EDAR: variants seen among roughly 807,000 people sequenced by gnomAD.
EDAR encodes the protein tumor necrosis factor receptor superfamily member EDAR.
EDAR carries 38 observed loss-of-function variants against 51.3 expected under a neutral mutation model. That is an observed-to-expected ratio of 0.74 (90% CI 0.57 to 0.97). The LOEUF is 0.97. EDAR is among the 50% of genes least tolerant of loss of function. The probability of loss-of-function intolerance (pLI) is 0.00; values close to 1 mark genes in which losing one functional copy is unlikely to be tolerated. For missense variants in EDAR, 528 were observed against 595.0 expected (o/e 0.89, Z 1.17); for synonymous variants, 227 against 242.1 (o/e 0.94, Z 0.58).
chr2:108,932,195 G>A (rs1697376955), intron 1 of EDAR, among the ~76,000 whole-genome samples: 1 of 152,032 alleles, frequency 6.6e-6, no homozygotes, highest in African/African-American at 2.4e-5. Flanking sequence ...ACAGCCTAAA[G>A]GCATTAGGTA....
chr2:108,930,041 G>A, intron 3 of EDAR, 79 bp downstream of exon 3: 1 of 1,514,166 alleles, frequency 6.6e-7, no homozygotes, highest in Middle Eastern at 2.0e-4. Context: ...ACACAGCAAG[G>A]CAGGCTCAGG....
In EDAR at chr2:108,897,189, C is replaced by T; in HGVS notation, c.1065G>A (p.Lys355=). ...PTELPFDCLE[K]TSRMLSSTYN... ...ACGTGGAGCTGAGCATTCGGCTAGT[C>T]TTCTCGAGGCAATCAAATGGCAGCT... Residue 355 remains lysine, a synonymous_variant, in exon 12 of 12, where the codon AAG becomes AAA. Transcript: ENST00000258443. The T allele has an allele frequency of 1.2e-6, 2 of 1,613,796 alleles. No individual in the cohort carries two copies. Among genetic ancestry groups the T allele is most frequent in the Non-Finnish European group, 1.7e-6 (2 of 1,180,036 alleles).
chr2:108,913,150 C>T (rs549948459), intron 5 of EDAR, among the ~76,000 whole-genome samples: 2 of 152,180 alleles, frequency 1.3e-5, no homozygotes, highest in South Asian at 2.1e-4. Context: ...GGGGTTTCAC[C>T]ATGTTAGCCA....
intron 5 of EDAR, among the ~76,000 whole-genome samples, chr2:108,915,846 G>A (rs1219667035): frequency 2.6e-5 from 4 of 151,806 alleles, no homozygotes; most frequent in Non-Finnish European, 5.9e-5. Flanking sequence ...GCAGTGAGTC[G>A]AGACCACGCC....
rs542245249 is a variant in EDAR at position 108,915,714 on chromosome 2, T to C, written c.443-2950A>G. 1.8e-4 allele frequency among the ~76,000 whole-genome samples: 28 copies of C among 152,088 alleles called. No individual in the cohort carries two copies. The South Asian group carries it at 5.8e-3, about 32-fold the overall frequency. Reference sequence around the variant, plus strand: ...GAGTTTGAGACCACCCTGGCCAACATGGTGAAACCCCAACTCTACTAAAAG... The same window carrying C: ...GAGTTTGAGACCACCCTGGCCAACACGGTGAAACCCCAACTCTACTAAAAG... On this transcript the variant is annotated intron_variant, in intron 5 of 11. Coordinates refer to ENST00000258443, the MANE Select transcript of EDAR (RefSeq NM_022336.4).
intron 3 of EDAR, among the ~76,000 whole-genome samples, chr2:108,929,882 T>C (rs1697331716): frequency 6.6e-6 from 1 of 152,190 alleles, no homozygotes; most frequent in African/African-American, 2.4e-5. Context: ...GGGAAAGTGA[T>C]CCTTTAAAAA....
intron 5 of EDAR, among the ~76,000 whole-genome samples, chr2:108,920,550 C>T (rs1014928876): frequency 1.3e-5 from 2 of 152,108 alleles, no homozygotes; most frequent in Non-Finnish European, 2.9e-5. Context: ...CTACAGGGCT[C>T]CACAGTATTG....
At chr2:108,986,409 A>T (rs1445023526) in intron 1 of EDAR, among the ~76,000 whole-genome samples, 4 of 151,976 alleles carry the variant, frequency 2.6e-5, no homozygotes, top group East Asian at 1.9e-4. Context: ...CTCCACTCTT[A>T]TTTTTATAAT....
chr2:108,929,375 C>T lies in EDAR; in HGVS notation c.179G>A (p.Cys60Tyr). 1 of 1,614,066 alleles carries T rather than the reference C, an allele frequency of 6.2e-7. No homozygotes were observed. Among genetic ancestry groups the T allele is most frequent in the Non-Finnish European group, 8.5e-7 (1 of 1,180,008 alleles). The change falls in exon 4 of 12, where the codon TGT becomes TAT. Residue 60 changes from cysteine (C) to tyrosine (Y), a missense_variant. By Grantham distance (194) the Cys-to-Tyr change is radical. Transcript: ENST00000258443. ...CGPGEEPYLS[C>Y]GYGTKDEDYG... ...GTCCTCGTCTTTGGTGCCGTAGCCA[C>T]AGGACTGTCCAGGGAAAGAGGACAG...
At chr2:108,909,442 T>TGAATCACAGGAAGATCATG (rs1553445463) in intron 9 of EDAR, among the ~76,000 whole-genome samples, 1 of 151,412 alleles carries the variant, frequency 6.6e-6, no homozygotes, top group East Asian at 2.0e-4. Flanking sequence ...CTTTGCAAGG[T>TGAATCACAGGAAGATCATG]GAATCATAGG....
chr2:108,930,625 G>A (rs1697350702), intron 2 of EDAR, among the ~76,000 whole-genome samples: 1 of 152,162 alleles, frequency 6.6e-6, no homozygotes, highest in African/African-American at 2.4e-5. Flanking sequence ...GAGGATGGGG[G>A]TAGGGGTCTG....
chr2:108,901,118 C>A (rs558305756), intron 11 of EDAR, among the ~76,000 whole-genome samples: 37 of 152,246 alleles, frequency 2.4e-4, no homozygotes, highest in African/African-American at 8.9e-4. Flanking sequence ...TAAACCTCAA[C>A]AAATTAAAAG....
intron 9 of EDAR, among the ~76,000 whole-genome samples, chr2:108,909,283 G>C (rs1248675969): frequency 6.6e-6 from 1 of 152,212 alleles, no homozygotes; most frequent in Non-Finnish European, 1.5e-5. Context: ...ATAAGGCTGG[G>C]CTGGAGGCTG....
intron 1 of EDAR, among the ~76,000 whole-genome samples, chr2:108,938,499 G>A (rs746436597): frequency 1.3e-5 from 2 of 152,162 alleles, no homozygotes; most frequent in Non-Finnish European, 2.9e-5. Context: ...CGAAAATAAC[G>A]TGGCTTGCAA....
rs114055690 is a variant in EDAR at position 108,910,381 on chromosome 2, C to T, written c.803+79G>A. 1,224 of 1,191,590 alleles carry T rather than the reference C, an allele frequency of 1.0e-3. 9 individuals are homozygous for T. The African/African-American group carries it at 0.016, about 15-fold the overall frequency. The allele number at this position is 1,191,590 out of a possible 1,614,324, so 73.8% of individuals were successfully genotyped here. A position where few individuals can be genotyped will look rare whatever the true frequency, so the allele number is the denominator to read the frequency against. On this transcript the variant is annotated intron_variant, in intron 9 of 11. Transcript: ENST00000258443. The stretch of plus-strand genomic sequence containing the variant: ...TCCCAGGCTAGCCTGTCAGTTCACT[C>T]GGCTGCACCCTGGTTCCCCTCCCTG...
At chr2:108,933,014 G>C (rs1697400867) in intron 1 of EDAR, among the ~76,000 whole-genome samples, 1 of 152,108 alleles carries the variant, frequency 6.6e-6, no homozygotes, top group South Asian at 2.1e-4. Flanking sequence ...ATCCTGGCAG[G>C]GCCTTAAGAT....
intron 1 of EDAR, among the ~76,000 whole-genome samples, chr2:108,985,208 T>C (rs1417743801): frequency 6.6e-6 from 1 of 152,166 alleles, no homozygotes; most frequent in Non-Finnish European, 1.5e-5. Flanking sequence ...ATGGTATCAG[T>C]TAACAACATC....
chr2:108,908,570 C>T (rs1303148980), intron 9 of EDAR, among the ~76,000 whole-genome samples: 2 of 152,070 alleles, frequency 1.3e-5, no homozygotes, highest in African/African-American at 4.8e-5. Context: ...GGGGGTGGCA[C>T]AGCAAGCCCC....
intron 2 of EDAR, 90 bp from the exon 3 acceptor site, chr2:108,930,332 G>GACC: frequency 6.6e-7 from 1 of 1,517,538 alleles, no homozygotes; most frequent in Non-Finnish European, 9.1e-7. Context: ...TAGGAAGGGG[G>GACC]TGCCCTGCGG....
Sources: gnomAD v4.1 joint callset for allele counts (sites outside exome capture counted in the v4.1 genomes callset) on GRCh38, gnomAD v4.1.1 for gene constraint, MANE v1.5 for transcripts, NCBI Gene and HGNC (gene_info 2026-07-23, HGNC 2026-07-21) for gene names.